The following FUT8 variants were observed in gnomAD, a reference collection of about 807,000 sequenced individuals.
The protein encoded by FUT8 is alpha-(1,6)-fucosyltransferase.
In FUT8, 29 loss-of-function variants were observed where a neutral mutation model predicts 71.3. The ratio of observed to expected loss-of-function variants is 0.41; its 90% CI spans 0.30 to 0.55. FUT8 has a LOEUF of 0.55. Ranked by LOEUF, FUT8 falls within the 20% of genes least tolerant of loss-of-function variation. The probability of loss-of-function intolerance (pLI) is 0.34; values close to 1 mark genes in which losing one functional copy is unlikely to be tolerated. For missense variants in FUT8, 544 were observed against 702.1 expected (o/e 0.77, Z 2.55); for synonymous variants, 254 against 239.3 (o/e 1.06, Z -0.57).
upstream of FUT8, chr14:65,412,647 T>A (rs924622928): frequency 1.3e-5 from 3 of 222,682 alleles, no homozygotes; most frequent in Non-Finnish European, 2.7e-5. Context: ...CCCTGGCACA[T>A]GCCAGGGTCG....
At chr14:65,717,276 C>T (rs1194569791) in intron 7 of FUT8, among the ~76,000 whole-genome samples, 7 of 107,230 alleles carry the variant, frequency 6.5e-5, no homozygotes, top group Non-Finnish European at 9.3e-5. Context: ...CGGGCAGAGG[C>T]GCTCCTCACT....
intron 6 of FUT8, among the ~76,000 whole-genome samples, chr14:65,654,594 A>G (rs1175844577): frequency 3.3e-5 from 5 of 149,482 alleles, no homozygotes; most frequent in Admixed American, 2.7e-4. Context: ...CTGTCTCCAA[A>G]AAAAAAAAAG....
chr14:65,525,878 G>T (rs1418122821), intron 2 of FUT8, among the ~76,000 whole-genome samples: 1 of 152,216 alleles, frequency 6.6e-6, no homozygotes, highest in Non-Finnish European at 1.5e-5. Context: ...AGTTTTGAGT[G>T]AGCTTCTTAA....
intron 2 of FUT8, among the ~76,000 whole-genome samples, chr14:65,537,713 C>G (rs1323472139): frequency 6.6e-6 from 1 of 152,100 alleles, no homozygotes; most frequent in Non-Finnish European, 1.5e-5. Flanking sequence ...TGTGCTGGTT[C>G]TTTCTCATCT....
intron 2 of FUT8, among the ~76,000 whole-genome samples, chr14:65,502,100 G>A (rs570573122): frequency 3.2e-4 from 48 of 152,100 alleles, no homozygotes; most frequent in East Asian, 3.9e-4. Flanking sequence ...TTGTAGAGAC[G>A]AGGTTTTGCT....
the FUT8 span, among the ~76,000 whole-genome samples, chr14:65,376,674 AG>A: frequency 6.6e-6 from 1 of 151,902 alleles, no homozygotes; most frequent in Non-Finnish European, 1.5e-5. Flanking sequence ...GGCCTCCCAA[AG>A]TGCTGGGATT....
At chr14:65,677,151 T>TGTGTGTGTGTGTGTGTGC in intron 7 of FUT8, among the ~76,000 whole-genome samples, 51 of 110,736 alleles carry the variant, frequency 4.6e-4, no homozygotes, top group South Asian at 9.1e-4. Flanking sequence ...TGTGTGTGTG[T>TGTGTGTGTGTGTGTGTGC]GCGCGCGCGC....
intron 7 of FUT8, among the ~76,000 whole-genome samples, chr14:65,719,882 C>T (rs895188419): frequency 3.3e-5 from 5 of 152,180 alleles, no homozygotes; most frequent in Non-Finnish European, 7.3e-5. Context: ...GTGGCTACCA[C>T]CACTGGAACT....
intron 3 of FUT8, among the ~76,000 whole-genome samples, chr14:65,571,547 A>G (rs777297318): frequency 3.3e-5 from 5 of 152,144 alleles, no homozygotes; most frequent in South Asian, 2.1e-4. Flanking sequence ...TTCAACCACT[A>G]CACCTGTTCT....
At chr14:65,417,897 G>C (rs139338501) in intron 1 of FUT8, among the ~76,000 whole-genome samples, 1 of 152,018 alleles carries the variant, frequency 6.6e-6, no homozygotes, top group East Asian at 1.9e-4. Context: ...TTTATAACTT[G>C]GGTTTTTAAA....
At chr14:65,578,824 A>G (rs1366759262) in intron 3 of FUT8, among the ~76,000 whole-genome samples, 1 of 152,188 alleles carries the variant, frequency 6.6e-6, no homozygotes, top group Non-Finnish European at 1.5e-5. Context: ...AATGTAAAAT[A>G]GCACACTATG....
At chr14:65,456,717 A>G (rs899910980) in intron 2 of FUT8, among the ~76,000 whole-genome samples, 1 of 151,998 alleles carries the variant, frequency 6.6e-6, no homozygotes, top group African/African-American at 2.4e-5. Flanking sequence ...TACTAAAAAT[A>G]CAAAAATTAG....
the FUT8 span, among the ~76,000 whole-genome samples, chr14:65,371,929 C>T: frequency 2.6e-5 from 4 of 151,260 alleles, no homozygotes; most frequent in African/African-American, 9.7e-5. Flanking sequence ...TATACAAACA[C>T]ATACATTTAC....
chr14:65,568,782 GATTT>G (rs953981097), intron 3 of FUT8, among the ~76,000 whole-genome samples: 1 of 151,064 alleles, frequency 6.6e-6, no homozygotes, highest in Non-Finnish European at 1.5e-5. Flanking sequence ...AAGTTATTCA[GATTT>G]ATTAATTTTT....
intron 6 of FUT8, among the ~76,000 whole-genome samples, chr14:65,662,885 G>C (rs530136097): frequency 5.4e-4 from 82 of 152,262 alleles, no homozygotes; most frequent in African/African-American, 1.9e-3. Context: ...TTTCATTAGA[G>C]AATGTTGTCT....
intron 2 of FUT8, among the ~76,000 whole-genome samples, chr14:65,498,467 G>T (rs969694323): frequency 6.6e-6 from 1 of 151,890 alleles, no homozygotes; most frequent in African/African-American, 2.4e-5. Context: ...GGTCACCAGG[G>T]TTTGTTGTGT....
At chr14:65,554,647 TG>T (rs1885491799) in intron 2 of FUT8, among the ~76,000 whole-genome samples, 1 of 152,054 alleles carries the variant, frequency 6.6e-6, no homozygotes, top group Non-Finnish European at 1.5e-5. Flanking sequence ...TTTGTTTTTT[TG>T]TTGTGATTGT....
chr14:65,493,865 G>A (rs1039855956), intron 2 of FUT8, among the ~76,000 whole-genome samples: 4 of 151,984 alleles, frequency 2.6e-5, no homozygotes, highest in Non-Finnish European at 4.4e-5. Flanking sequence ...TGGTAATTTG[G>A]GTGGAAGTGG....
intron 9 of FUT8, among the ~76,000 whole-genome samples, chr14:65,729,888 C>T (rs1232194646): frequency 6.6e-6 from 1 of 151,952 alleles, no homozygotes; most frequent in African/African-American, 2.4e-5. Flanking sequence ...TAGTAGTAGC[C>T]TTTTATGCAT....
Sources: allele counts gnomAD v4.1 joint callset (sites outside exome capture counted in the v4.1 genomes callset), GRCh38; gene constraint gnomAD v4.1.1; transcripts MANE v1.5; gene names NCBI Gene and HGNC (gene_info 2026-07-23, HGNC 2026-07-21).